ZSWIM8: variants seen among roughly 807,000 people sequenced by gnomAD.
ZSWIM8 encodes the protein zinc finger SWIM domain-containing protein 8.
A neutral mutation model predicts 173.7 loss-of-function variants in ZSWIM8; 27 were observed. That is an observed-to-expected ratio of 0.16 (90% CI 0.11 to 0.21). The LOEUF (loss-of-function observed/expected upper bound fraction) is 0.21. Among genes scored for constraint, ZSWIM8 ranks in the 10% least tolerant of loss-of-function variants. The pLI is 1.00. For missense variants in ZSWIM8, 1,627 were observed against 2,428.8 expected (o/e 0.67, Z 6.94); for synonymous variants, 958 against 962.0 (o/e 1.00, Z 0.08).
At chr10:73,798,948 C>G (rs143393462) in intron 20 of ZSWIM8, 54 bp from the exon 21 acceptor site, 2 of 1,550,848 alleles carry the variant, frequency 1.3e-6, no homozygotes, top group Admixed American at 3.7e-5. Flanking sequence ...CATCTAACAC[C>G]TTCCATGTGG....
In ZSWIM8 at chr10:73,792,255, T is replaced by C; in HGVS notation, c.1716T>C (p.Asp572=). Residue 572 remains aspartate (D), a synonymous_variant, in exon 10 of 26, where the codon GAT becomes GAC. Coordinates refer to ENST00000604729, the MANE Select transcript of ZSWIM8 (RefSeq NM_001367799.1). The surrounding 1 kb of genome is among the most constrained non-coding windows in gnomAD (Gnocchi z 4.3). ...GCCGCCTCTCAGCTGAAGGGGGAGA[T>C]AAAGCTCTACATAAGATGGGTCCAG... ...GPRRLSAEGG[D]KALHKMGPGG... is the part of the protein sequence containing the mutation. 1 of 1,581,640 alleles carries C rather than the reference T, an allele frequency of 6.3e-7. No individual in the cohort carries two copies. Among genetic ancestry groups the C allele is most frequent in the Non-Finnish European group, 8.6e-7 (1 of 1,162,292 alleles).
Position 73,792,277 on chromosome 10 carries a change from C to T in ZSWIM8, c.1738C>T (p.Pro580Ser). The T allele has an allele frequency of 6.2e-7, 1 of 1,606,344 alleles. No homozygotes were observed. The highest frequency in any genetic ancestry group is 8.5e-7 in the Non-Finnish European group (1 of 1,175,974). ...GGDKALHKMG[P>S]GGGKAKALGG... The stretch of plus-strand genomic sequence containing the variant: ...AGATAAAGCTCTACATAAGATGGGT[C>T]CAGGTGGGGGCAAAGCCAAGGCACT... Residue 580 changes from proline (P) to serine (S), a missense_variant, in exon 10 of 26, where the codon CCA becomes TCA. This residue lies in a region of ZSWIM8 where 383 missense variants were observed against 394.8 expected (regional missense o/e 0.97). Coordinates refer to ENST00000604729, the MANE Select transcript of ZSWIM8 (RefSeq NM_001367799.1). This position sits in a 1 kb window ranked among gnomAD's most constrained non-coding sequence, Gnocchi z 4.3.
chr10:73,787,002 G>C (rs2083251462), intron 1 of ZSWIM8, among the ~76,000 whole-genome samples: 2 of 150,932 alleles, frequency 1.3e-5, no homozygotes, highest in Non-Finnish European at 2.9e-5. Context: ...GGAGTGCAAT[G>C]GCACGATCTC....
In ZSWIM8 at chr10:73,801,317, A is replaced by C. The variant is rs1463765764; in HGVS notation, c.5303A>C (p.Tyr1768Ser). Residue 1768 changes from tyrosine to serine, a missense_variant and splice_region_variant, in exon 26 of 26, where the codon TAC (tyrosine) becomes TCC (serine). Coordinates refer to ENST00000604729, the MANE Select transcript of ZSWIM8 (RefSeq NM_001367799.1). The surrounding 1 kb of genome is among the most constrained non-coding windows in gnomAD (Gnocchi z 4.9). Reference sequence around the variant, plus strand: ...CATCCTGCACACATCCTCCTCCAGTACATCCACCACCGCTTGATTCACCTG... The same window carrying C: ...CATCCTGCACACATCCTCCTCCAGTCCATCCACCACCGCTTGATTCACCTG... ...VQRCQQAYMQ[Y>S]IHHRLIHLTP... 6.2e-7 allele frequency: 1 copy of C among 1,613,704 alleles called. No individual in the cohort carries two copies. The highest frequency in any genetic ancestry group is 8.5e-7 in the Non-Finnish European group (1 of 1,179,690).
In ZSWIM8 at chr10:73,793,955, G is replaced by A; in HGVS notation, c.2536G>A (p.Glu846Lys). The A allele has an allele frequency of 6.2e-7, 1 of 1,613,400 alleles. No individual in the cohort carries two copies. Among genetic ancestry groups the A allele is most frequent in the Non-Finnish European group, 8.5e-7 (1 of 1,179,624 alleles). The change falls in exon 12 of 26, where the codon GAG becomes AAG. Residue 846 changes from glutamate to lysine, a missense_variant. By Grantham distance (56) the Glu-to-Lys change is moderately conservative. Transcript: ENST00000604729. ...KAAFLLTVLS[E>K]RPEHHNLAFR... ...GGCCTTCCTGTTGACAGTGCTAAGT[G>A]AGCGTCCAGAGCACCACAACCTGGC...
chr10:73,794,746 CAT>C (rs1412202749), intron 14 of ZSWIM8, 107 bp downstream of exon 14: 27 of 996,790 alleles, frequency 2.7e-5, no homozygotes, highest in African/African-American at 6.5e-5. Context: ...GTCAGGATGA[CAT>C]GTGTGAGCCA....
Position 73,791,647 on chromosome 10 carries a change from C to A in ZSWIM8, c.1319+148C>A. 8.6e-7 allele frequency: 1 copy of A among 1,165,024 alleles called. No individual in the cohort carries two copies. The highest frequency in any genetic ancestry group is 1.2e-6 in the Non-Finnish European group (1 of 855,564). 72.2% of individuals were successfully genotyped at this position (1,165,024 alleles called of 1,614,324 possible). On this transcript the variant is annotated intron_variant, in intron 9 of 25. Coordinates refer to ENST00000604729, the MANE Select transcript of ZSWIM8 (RefSeq NM_001367799.1). The surrounding 1 kb of genome is among the most constrained non-coding windows in gnomAD (Gnocchi z 6.0). The stretch of plus-strand genomic sequence containing the variant: ...GAGCACTGGTGTTAGCAGTGATTTA[C>A]GAGTCCTTTTTCTGAGAGGCTTTCA...
intron 1 of ZSWIM8, among the ~76,000 whole-genome samples, chr10:73,787,902 C>T (rs2083281788): frequency 2.0e-5 from 3 of 152,110 alleles, no homozygotes; most frequent in Non-Finnish European, 4.4e-5. Context: ...GTTAACTCTT[C>T]TAAAAAGGTT....
chr10:73,799,940 G>C, intron 21 of ZSWIM8, 71 bp from the exon 22 acceptor site: 3 of 1,504,238 alleles, frequency 2.0e-6, no homozygotes, highest in Non-Finnish European at 2.7e-6. Context: ...ATAGCAGCTT[G>C]TGGGGGTGAA....
At position 73,797,985 on chromosome 10, in the gene ZSWIM8, T is replaced by A. The variant is rs771792965; in HGVS notation, c.3867T>A (p.Ile1289=). The A allele has an allele frequency of 6.2e-7, 1 of 1,614,066 alleles. No individual in the cohort carries two copies. Among genetic ancestry groups the A allele is most frequent in the South Asian group, 1.1e-5 (1 of 91,088 alleles). ...HRNLHLCAFE[I]GLYALGLHNF... is the part of the protein sequence containing the mutation. ...ACCTGCACCTTTGCGCCTTCGAGAT[T>A]GGGCTTTATGCCCTTGGCCTGCACA... The change falls in exon 19 of 26, where the codon ATT becomes ATA. Residue 1289 remains isoleucine, a synonymous_variant. Transcript: ENST00000604729. This position sits in a 1 kb window ranked among gnomAD's most constrained non-coding sequence, Gnocchi z 5.6.
In ZSWIM8 at chr10:73,792,951, G is replaced by T; in HGVS notation, c.2313+99G>T. 7.1e-7 allele frequency: 1 copy of T among 1,411,842 alleles called. No homozygotes were observed. The highest frequency in any genetic ancestry group is 9.5e-7 in the Non-Finnish European group (1 of 1,058,066). The allele number at this position is 1,411,842 out of a possible 1,614,324, so 87.5% of individuals were successfully genotyped here. A position where few individuals can be genotyped will look rare whatever the true frequency, so the allele number is the denominator to read the frequency against. ...GAGTGTCAGGACCATCAGCAGGATT[G>T]TGAGAACCCTGTTGCAGGCGCCGAA... On this transcript the variant is annotated intron_variant, in intron 10 of 25. Transcript: ENST00000604729. The surrounding 1 kb of genome is among the most constrained non-coding windows in gnomAD (Gnocchi z 4.3).
In ZSWIM8 at chr10:73,790,233, C is replaced by G. The variant is rs2083369854; in HGVS notation, c.882C>G (p.Leu294=). 6.2e-7 allele frequency: 1 copy of G among 1,613,752 alleles called. No individual in the cohort carries two copies. The highest frequency in any genetic ancestry group is 1.7e-5 in the Admixed American group (1 of 59,984). The change falls in exon 7 of 26, where the codon CTC becomes CTG. Residue 294 remains leucine (L), a synonymous_variant. Coordinates refer to ENST00000604729, the MANE Select transcript of ZSWIM8 (RefSeq NM_001367799.1). ...QSTWYLDEST[L]TDNIKKTLHK... is the part of the protein sequence containing the mutation. ...CTTGGTATCTGGATGAATCGACACT[C>G]ACTGACAACATCAAAAAGACACTGC...
chr10:73,800,475 G>A lies in ZSWIM8; in HGVS notation c.5002+3G>A, dbSNP rs764847830. On this transcript the variant is annotated splice_donor_region_variant and intron_variant, in intron 23 of 25. Coordinates refer to ENST00000604729, the MANE Select transcript of ZSWIM8 (RefSeq NM_001367799.1). The surrounding 1 kb of genome is among the most constrained non-coding windows in gnomAD (Gnocchi z 4.1). ...CCTGCATGCTGCCTACCGTGTCGGT[G>A]AGAGGACATCCCTTTCTGTGCTCCT... 6.2e-7 allele frequency: 1 copy of A among 1,613,592 alleles called. No individual in the cohort carries two copies. The highest frequency in any genetic ancestry group is 1.1e-5 in the South Asian group (1 of 91,044).
In ZSWIM8 at chr10:73,797,254, C is replaced by T. The variant is rs774540339; in HGVS notation, c.3416C>T (p.Pro1139Leu). The T allele has an allele frequency of 1.2e-6, 2 of 1,613,828 alleles. No individual in the cohort carries two copies. The highest frequency in any genetic ancestry group is 2.7e-5 in the African/African-American group (2 of 74,920). The change falls in exon 17 of 26, where the codon CCT becomes CTT. Residue 1139 changes from proline (P) to leucine (L), a missense_variant. Physicochemically the swap from Pro to Leu is moderately conservative, Grantham distance 98 (BLOSUM62 -3). Coordinates refer to ENST00000604729, the MANE Select transcript of ZSWIM8 (RefSeq NM_001367799.1). This position sits in a 1 kb window ranked among gnomAD's most constrained non-coding sequence, Gnocchi z 5.6. ...NGRGWGSPGR[P>L]KKKHTGMASI... ...CGGGGATGGGGGTCCCCAGGACGGC[C>T]TAAGAAGAAGCACACAGGTAGGATA... is the stretch of plus-strand genomic sequence containing the variant.
intron 15 of ZSWIM8, chr10:73,796,520 C>T (rs896346491): frequency 3.7e-6 from 2 of 541,632 alleles, no homozygotes; most frequent in African/African-American, 1.9e-5. Flanking sequence ...GTCATTCATT[C>T]ACTTATTTCA....
chr10:73,796,421 G>A lies in ZSWIM8; in HGVS notation c.3034-353G>A, dbSNP rs1225763491. Reference sequence around the variant, plus strand: ...CATAGGAGGTAAGTAGGGAATCTTGGGGACATCTCATAAAGAATAAGAGAA... The same window carrying A: ...CATAGGAGGTAAGTAGGGAATCTTGAGGACATCTCATAAAGAATAAGAGAA... On this transcript the variant is annotated intron_variant, in intron 15 of 25. Coordinates refer to ENST00000604729, the MANE Select transcript of ZSWIM8 (RefSeq NM_001367799.1). The A allele has an allele frequency of 1.9e-5, 8 of 412,564 alleles. No homozygotes were observed. In the East Asian group the frequency reaches 3.6e-4, roughly 19 times the overall value. The allele number at this position is 412,564 out of a possible 1,614,324, so 25.6% of individuals were successfully genotyped here.
chr10:73,800,410 A>C lies in ZSWIM8; in HGVS notation c.4940A>C (p.Glu1647Ala). The change falls in exon 23 of 26, where the codon GAG (glutamate) becomes GCG (alanine). Residue 1647 changes from glutamate to alanine, a missense_variant. Around this residue, in one of 18 missense-constraint regions of ZSWIM8, gnomAD observed 275 missense variants for 290.1 expected, o/e 0.95. Transcript: ENST00000604729. The surrounding 1 kb of genome is among the most constrained non-coding windows in gnomAD (Gnocchi z 4.1). ...GGAGGTTTTCCACCGCCCGAGGAGGAGACACACAGTCAGCCAGTCAATCCC... is the reference window on the plus strand; with the variant it reads ...GGAGGTTTTCCACCGCCCGAGGAGGCGACACACAGTCAGCCAGTCAATCCC... Reference protein sequence around the residue: ...VSGGFPPPEEETHSQPVNPHS... With the variant: ...VSGGFPPPEEATHSQPVNPHS... The C allele has an allele frequency of 6.2e-7, 1 of 1,613,840 alleles. No individual in the cohort carries two copies. Among genetic ancestry groups the C allele is most frequent in the Non-Finnish European group, 8.5e-7 (1 of 1,179,862 alleles).
chr10:73,793,487 T>C, intron 10 of ZSWIM8, 101 bp from the exon 11 acceptor site: 1 of 1,368,676 alleles, frequency 7.3e-7, no homozygotes, highest in Non-Finnish European at 9.9e-7. Context: ...GGGCCTGGCA[T>C]GTAGCAAGTG....
In ZSWIM8 at chr10:73,792,731, C is replaced by T. The variant is rs1353535768; in HGVS notation, c.2192C>T (p.Ala731Val). 4 of 1,613,610 alleles carry T rather than the reference C, an allele frequency of 2.5e-6. No individual in the cohort carries two copies. The highest frequency in any genetic ancestry group is 2.2e-5 in the South Asian group (2 of 91,068). The change falls in exon 10 of 26, where the codon GCG becomes GTG. Residue 731 changes from alanine to valine, a missense_variant. Physicochemically the swap from Ala to Val is moderately conservative, Grantham distance 64 (BLOSUM62 0). This residue lies in a region of ZSWIM8 where 383 missense variants were observed against 394.8 expected (regional missense o/e 0.97). Transcript: ENST00000604729. This position sits in a 1 kb window ranked among gnomAD's most constrained non-coding sequence, Gnocchi z 4.3. ...AVGEEDDDYQ[A>V]YYLNAQDGAG... ...GGAGAGGAGGATGATGACTACCAGG[C>T]GTACTATCTGAATGCCCAGGATGGG...
Sources: gnomAD v4.1 joint callset for allele counts (sites outside exome capture counted in the v4.1 genomes callset) on GRCh38, gnomAD v4.1.1 for gene constraint, gnomAD v4.1.1 regional missense constraint, Gnocchi (gnomAD v3.1) non-coding constraint, MANE v1.5 for transcripts, NCBI Gene and HGNC (gene_info 2026-07-23, HGNC 2026-07-21) for gene names.